The following MYOM1 variants were observed in gnomAD, a reference collection of about 807,000 sequenced individuals.
MYOM1 encodes the protein myomesin-1.
In MYOM1, 164 loss-of-function variants were observed where a neutral mutation model predicts 205.3. The observed-to-expected ratio is 0.80, with a 90% CI of 0.70 to 0.91. MYOM1 has a LOEUF of 0.91. Among genes scored for constraint, MYOM1 ranks in the 40% least tolerant of loss-of-function variants. MYOM1 has a pLI of 0.00. For missense variants in MYOM1, 2,011 were observed against 2,127.3 expected (o/e 0.95, Z 1.08); for synonymous variants, 772 against 789.4 (o/e 0.98, Z 0.37).
At chr18:3,124,624 C>T (rs961915753) in intron 19 of MYOM1, among the ~76,000 whole-genome samples, 34 of 152,088 alleles carry the variant, frequency 2.2e-4, no homozygotes, top group African/African-American at 5.8e-4. Flanking sequence ...CCACCGCGCC[C>T]GGCCCCAAAC....
Position 3,129,503 on chromosome 18 carries a change from T to TG in MYOM1, c.2522dup (p.Asp842ArgfsTer9). 6.2e-7 allele frequency: 1 copy of TG among 1,611,614 alleles called. No individual in the cohort carries two copies. The highest frequency in any genetic ancestry group is 1.1e-5 in the South Asian group (1 of 90,866). Reference sequence around the variant, plus strand: ...CATCGCTCAGTGCGGGACACACATCTGGAGACACTCCTCCCCCTACAGTTG... The same window carrying TG: ...CATCGCTCAGTGCGGGACACACATCTGGGAGACACTCCTCCCCCTACAGTTG... On this transcript the variant is annotated frameshift_variant, in exon 18 of 38. Transcript: ENST00000356443. LOFTEE classifies it high-confidence loss of function.
At chr18:3,244,356 C>T in the MYOM1 span, among the ~76,000 whole-genome samples, 1 of 152,020 alleles carries the variant, frequency 6.6e-6, no homozygotes, top group African/African-American at 2.4e-5. Flanking sequence ...TTGTGTGTCC[C>T]CTCCCTGCCA....
At chr18:3,214,340 T>C in intron 2 of MYOM1, among the ~76,000 whole-genome samples, 1 of 152,168 alleles carries the variant, frequency 6.6e-6, no homozygotes, top group East Asian at 1.9e-4. Flanking sequence ...TAAAGTAACC[T>C]GTGGCAAAAT....
rs561514663 is a variant in MYOM1, at chr18:3,160,281, G to A, written c.1501+3997C>T. Among the ~76,000 whole-genome samples the A allele has an allele frequency of 1.4e-4, 21 of 151,792 alleles. No homozygotes were observed. The South Asian group carries it at 4.4e-3, about 32-fold the overall frequency. ...CCAGTCATTGCAGCCTCGACCTCTT[G>A]GGCTCAAGCAATCCTCCCATCTCAG... On this transcript the variant is annotated intron_variant, in intron 10 of 37. Coordinates refer to ENST00000356443, the MANE Select transcript of MYOM1 (RefSeq NM_003803.4).
At chr18:3,169,334 G>C (rs1366555808) in intron 8 of MYOM1, among the ~76,000 whole-genome samples, 1 of 152,120 alleles carries the variant, frequency 6.6e-6, no homozygotes, top group Non-Finnish European at 1.5e-5. Flanking sequence ...TTTAGATGTT[G>C]AGTTAAACTC....
At chr18:3,121,940 G>A (rs1315258627) in intron 19 of MYOM1, among the ~76,000 whole-genome samples, 1 of 152,152 alleles carries the variant, frequency 6.6e-6, no homozygotes, top group Non-Finnish European at 1.5e-5. Context: ...CCAACATGGT[G>A]AAACCCTGTT....
intron 4 of MYOM1, 98 bp downstream of exon 4, chr18:3,188,650 C>T (rs2080856913): frequency 8.1e-7 from 1 of 1,233,478 alleles, no homozygotes; most frequent in East Asian, 2.6e-5. Context: ...AAAAAAGAAA[C>T]AAATCAATCT....
At chr18:3,244,341 C>A in the MYOM1 span, among the ~76,000 whole-genome samples, 10 of 152,166 alleles carry the variant, frequency 6.6e-5, no homozygotes, top group African/African-American at 1.2e-4. Context: ...TTGCTATGGA[C>A]TGAATTGTGT....
intron 10 of MYOM1, among the ~76,000 whole-genome samples, chr18:3,158,125 T>G (rs1420847044): frequency 6.6e-6 from 1 of 152,216 alleles, no homozygotes; most frequent in East Asian, 1.9e-4. Context: ...AACCCAGAGA[T>G]AACTACTATT....
chr18:3,122,375 C>T (rs529739136), intron 19 of MYOM1, among the ~76,000 whole-genome samples: 1 of 152,116 alleles, frequency 6.6e-6, no homozygotes, highest in South Asian at 2.1e-4. Flanking sequence ...CCTAGTGTAT[C>T]TATGGTAATA....
chr18:3,080,169 G>A (rs960318980), intron 33 of MYOM1, among the ~76,000 whole-genome samples: 1 of 151,950 alleles, frequency 6.6e-6, no homozygotes, highest in Non-Finnish European at 1.5e-5. Context: ...TTAAAAAGTG[G>A]TATATAAAAT....
At chr18:3,161,384 C>A (rs2080388972) in intron 10 of MYOM1, among the ~76,000 whole-genome samples, 1 of 152,204 alleles carries the variant, frequency 6.6e-6, no homozygotes, top group African/African-American at 2.4e-5. Context: ...TACTAGGACC[C>A]CTGAGCGTTA....
intron 22 of MYOM1, among the ~76,000 whole-genome samples, chr18:3,104,745 CTTTTTTTTTTT>C (rs745369627): frequency 6.2e-5 from 5 of 80,600 alleles, no homozygotes; most frequent in Non-Finnish European, 8.5e-5. Flanking sequence ...GAATTGGAAT[CTTTTTTTTTTT>C]TTTTTTTTTT....
the MYOM1 span, among the ~76,000 whole-genome samples, chr18:3,235,854 G>A: frequency 2.2e-4 from 33 of 152,218 alleles, no homozygotes; most frequent in Non-Finnish European, 4.3e-4. Flanking sequence ...TACTGAGATG[G>A]TAGTATCTTC....
intron 14 of MYOM1, among the ~76,000 whole-genome samples, chr18:3,138,293 C>T (rs1304882880): frequency 1.3e-5 from 2 of 151,490 alleles, no homozygotes; most frequent in Non-Finnish European, 2.9e-5. Context: ...GACAGGTTGA[C>T]CAGCTGTCAG....
intron 19 of MYOM1, among the ~76,000 whole-genome samples, chr18:3,126,328 T>TC (rs1379815126): frequency 6.6e-6 from 1 of 151,294 alleles, no homozygotes; most frequent in Non-Finnish European, 1.5e-5. Flanking sequence ...GGAATCTTTT[T>TC]TTTTTTTCCC....
At chr18:3,149,507 C>A (rs2080186194) in intron 12 of MYOM1, among the ~76,000 whole-genome samples, 1 of 152,164 alleles carries the variant, frequency 6.6e-6, no homozygotes, top group African/African-American at 2.4e-5. Context: ...CAATATGAAT[C>A]TCCTGGAACA....
intron 10 of MYOM1, among the ~76,000 whole-genome samples, chr18:3,164,003 C>A: frequency 7.1e-6 from 1 of 141,736 alleles, no homozygotes; most frequent in Non-Finnish European, 1.5e-5. Context: ...CAGGTGCATG[C>A]CGCCATGCCC....
chr18:3,215,286 A>C (rs2081251048), intron 1 of MYOM1, 35 bp from the exon 2 acceptor site: 2 of 1,468,094 alleles, frequency 1.4e-6, no homozygotes, highest in Middle Eastern at 1.8e-4. Flanking sequence ...GTGACTTATT[A>C]AGGAACAAAT....
Sources: gnomAD v4.1 joint callset for allele counts (sites outside exome capture counted in the v4.1 genomes callset) on GRCh38, gnomAD v4.1.1 for gene constraint, MANE v1.5 for transcripts, NCBI Gene and HGNC (gene_info 2026-07-23, HGNC 2026-07-21) for gene names.